SV2B: variants seen among roughly 807,000 people sequenced by gnomAD.
SV2B encodes the protein synaptic vesicle glycoprotein 2B.
SV2B carries 41 observed loss-of-function variants against 73.9 expected under a neutral mutation model. That is an observed-to-expected ratio of 0.56 (90% confidence interval 0.43 to 0.72). The LOEUF is 0.72. Among genes scored for constraint, SV2B ranks in the 30% least tolerant of loss-of-function variants. The pLI is 0.00. For missense variants in SV2B, 764 were observed against 857.8 expected, an observed-to-expected ratio of 0.89 and a Z score of 1.37; for synonymous variants, 314 against 314.2, an observed-to-expected ratio of 1.00 and a Z score of 0.01.
intron 9 of SV2B, among the ~76,000 whole-genome samples, chr15:91,271,032 A>C (rs112835610): frequency 1.8e-4 from 24 of 134,570 alleles, no homozygotes; most frequent in African/African-American, 5.3e-4. Context: ...GGATGATCGG[A>C]GGACGGTGAG....
In SV2B at chr15:91,130,833, G is replaced by A. The variant is rs991836743; in HGVS notation, c.-392+30470G>A. On this transcript the variant is annotated intron_variant, in intron 1 of 12. Coordinates refer to ENST00000394232, the MANE Select transcript of SV2B (RefSeq NM_001323032.3). This position sits in a 1 kb window ranked among gnomAD's most constrained non-coding sequence, Gnocchi z 5.6. ...AAGCTTGTAGGAAAGAGGATTGAAG[G>A]AAATGTCTTTAGGATGTGTGATATT... Among the ~76,000 whole-genome samples the A allele has an allele frequency of 3.3e-5, 5 of 152,158 alleles. No individual in the cohort carries two copies. Among genetic ancestry groups the A allele is most frequent in the Non-Finnish European group, 7.3e-5 (5 of 68,034 alleles).
At chr15:91,260,543 A>G in intron 6 of SV2B, 134 bp downstream of exon 6, 3 of 606,294 alleles carry the variant, frequency 4.9e-6, no homozygotes, top group Non-Finnish European at 8.2e-6. Flanking sequence ...CTGTTACTTT[A>G]TAATAATTAT....
At chr15:91,186,918 A>G (rs1040196528) in intron 1 of SV2B, among the ~76,000 whole-genome samples, 1 of 152,246 alleles carries the variant, frequency 6.6e-6, no homozygotes, top group African/African-American at 2.4e-5. Context: ...TTTCTTAAGC[A>G]TTTTATTTAG....
intron 1 of SV2B, among the ~76,000 whole-genome samples, chr15:91,146,769 T>A (rs1232120892): frequency 6.6e-6 from 1 of 152,204 alleles, no homozygotes; most frequent in South Asian, 2.1e-4. Context: ...CTGGGCTCTC[T>A]ATGGGCATTG....
At position 91,110,055 on chromosome 15, in the gene SV2B, G is replaced by A. The variant is rs59580285; in HGVS notation, c.-392+9692G>A. ...ATAGCTTATTTGGGTGGATAAAAGA[G>A]CTGTCCGTCATTACTCACATTACAA... is the stretch of plus-strand genomic sequence containing the variant. On this transcript the variant is annotated intron_variant, in intron 1 of 12. Coordinates refer to ENST00000394232, the MANE Select transcript of SV2B (RefSeq NM_001323032.3). This position sits in a 1 kb window ranked among gnomAD's most constrained non-coding sequence, Gnocchi z 5.4. Among the ~76,000 whole-genome samples the A allele has an allele frequency of 1.9e-3, 286 of 152,294 alleles. No individual in the cohort carries two copies. Among genetic ancestry groups the A allele is most frequent in the African/African-American group, 6.0e-3 (249 of 41,580 alleles).
intron 1 of SV2B, among the ~76,000 whole-genome samples, chr15:91,192,737 A>G (rs1413175975): frequency 6.6e-6 from 1 of 152,190 alleles, no homozygotes; most frequent in African/African-American, 2.4e-5. Context: ...AATTTTTCCC[A>G]TTTTACAAAA....
chr15:91,225,166 T>C (rs984517731), intron 1 of SV2B, among the ~76,000 whole-genome samples: 3 of 152,202 alleles, frequency 2.0e-5, no homozygotes, highest in Non-Finnish European at 4.4e-5. Flanking sequence ...TGCAGCAGAA[T>C]TGAGTTTCAG....
chr15:91,222,690 C>G (rs79019892), intron 1 of SV2B, among the ~76,000 whole-genome samples: 24,453 of 152,168 alleles, frequency 0.16, 2,121 homozygotes, highest in Non-Finnish European at 0.2. Context: ...TCTGTTTGAA[C>G]GTGGATTTCA....
intron 1 of SV2B, among the ~76,000 whole-genome samples, chr15:91,190,136 A>G (rs1028622196): frequency 2.6e-5 from 4 of 152,074 alleles, no homozygotes; most frequent in Admixed American, 6.5e-5. Flanking sequence ...TATTATTATT[A>G]TACTTTAAGT....
intron 2 of SV2B, among the ~76,000 whole-genome samples, chr15:91,251,315 A>G (rs1038527314): frequency 3.3e-5 from 5 of 152,236 alleles, no homozygotes; most frequent in Admixed American, 2.6e-4. Flanking sequence ...CCTTAAGGCT[A>G]GACATTGGTT....
At chr15:91,099,972 G>A (rs1028933179), upstream of SV2B, 6 of 152,290 alleles carry the variant, frequency 3.9e-5, no homozygotes, top group African/African-American at 1.4e-4. Flanking sequence ...CTGCAAATCC[G>A]GAGACCTTGC....
intron 4 of SV2B, among the ~76,000 whole-genome samples, chr15:91,255,709 AT>A (rs1447832003): frequency 6.6e-6 from 1 of 152,218 alleles, no homozygotes; most frequent in Non-Finnish European, 1.5e-5. Flanking sequence ...TTTATATTCC[AT>A]TTTAAAATAG....
chr15:91,178,693 G>A (rs985385698), intron 1 of SV2B, among the ~76,000 whole-genome samples: 1 of 151,502 alleles, frequency 6.6e-6, no homozygotes, highest in African/African-American at 2.4e-5. Context: ...GGTGTTTGTA[G>A]TATTCTCTGG....
rs922437479 is a variant in SV2B at position 91,193,689 on chromosome 15, A to G, written c.-391-32184A>G. On this transcript the variant is annotated intron_variant, in intron 1 of 12. Coordinates refer to ENST00000394232, the MANE Select transcript of SV2B (RefSeq NM_001323032.3). Reference sequence around the variant, plus strand: ...GTTGTCTCATATTCTCATTCTAGAAAGCACTCAGCTTTCATATCTGTCCAT... The same window carrying G: ...GTTGTCTCATATTCTCATTCTAGAAGGCACTCAGCTTTCATATCTGTCCAT... Among the ~76,000 whole-genome samples the G allele has an allele frequency of 4.6e-5, 7 of 152,230 alleles. 1 individual carries two copies. In the East Asian group the frequency reaches 1.2e-3, roughly 25 times the overall value.
intron 1 of SV2B, among the ~76,000 whole-genome samples, chr15:91,177,454 T>G (rs1031285898): frequency 1.1e-4 from 16 of 151,734 alleles, no homozygotes; most frequent in African/African-American, 3.4e-4. Flanking sequence ...TTGATGGGGA[T>G]GGCATTGAAT....
At chr15:91,180,953 G>A (rs1005088218) in intron 1 of SV2B, among the ~76,000 whole-genome samples, 1 of 152,216 alleles carries the variant, frequency 6.6e-6, no homozygotes, top group Non-Finnish European at 1.5e-5. Context: ...CGTTCCTTTG[G>A]AGGAGGAGAG....
chr15:91,238,363 A>G (rs1474873926), intron 2 of SV2B, among the ~76,000 whole-genome samples: 1 of 152,226 alleles, frequency 6.6e-6, no homozygotes, highest in East Asian at 1.9e-4. Context: ...ATGAGAAAAC[A>G]TAGGCTCTAA....
chr15:91,169,562 C>T (rs1010677850), intron 1 of SV2B, among the ~76,000 whole-genome samples: 3 of 152,054 alleles, frequency 2.0e-5, no homozygotes, highest in Admixed American at 2.0e-4. Flanking sequence ...TCTACTCGCT[C>T]GACAAGTATG....
intron 1 of SV2B, among the ~76,000 whole-genome samples, chr15:91,171,141 G>C (rs1208575293): frequency 6.6e-6 from 1 of 152,112 alleles, no homozygotes; most frequent in Admixed American, 6.5e-5. Context: ...TAACTATTAT[G>C]CTATGGAAAA....
Sources: allele counts gnomAD v4.1 joint callset (sites outside exome capture counted in the v4.1 genomes callset), GRCh38; gene constraint gnomAD v4.1.1; non-coding constraint Gnocchi (gnomAD v3.1); transcripts MANE v1.5; gene names NCBI Gene and HGNC (gene_info 2026-07-23, HGNC 2026-07-21).